ZNF136: variants seen among roughly 807,000 people sequenced by gnomAD.
ZNF136 encodes zinc finger protein 136 (clone pHZ-20).
Under a neutral mutation model 11.4 loss-of-function variants are expected in ZNF136, and 8 were observed. The ratio of observed to expected loss-of-function variants is 0.70; its 90% CI spans 0.41 to 1.27. The LOEUF (loss-of-function observed/expected upper bound fraction) is 1.27, where lower values mean the gene tolerates loss of function less well. Ranked by LOEUF, ZNF136 falls within the 50% of genes most tolerant of loss-of-function variation. The pLI, the probability that ZNF136 is intolerant of heterozygous loss-of-function variation, is 0.01. For synonymous variants in ZNF136, 190 were observed against 207.1 expected (o/e 0.92, Z 0.71); for missense variants, 590 against 656.5 (o/e 0.90, Z 1.11).
intron 1 of ZNF136, among the ~76,000 whole-genome samples, chr19:12,181,821 G>A (rs1914950280): frequency 6.6e-6 from 1 of 152,134 alleles, no homozygotes; most frequent in Non-Finnish European, 1.5e-5. Flanking sequence ...ATTTTTAGTA[G>A]AGACAGGGTT....
chr19:12,178,541 A>C lies in ZNF136; in HGVS notation c.4-7244A>C, dbSNP rs1010040439. ...AGCAACATTTTTGGACATGTTTCTTAGAAATAGTTTACTAACTGGTTTCGA... is the reference window on the plus strand; with the variant it reads ...AGCAACATTTTTGGACATGTTTCTTCGAAATAGTTTACTAACTGGTTTCGA... On this transcript the variant is annotated intron_variant, in intron 1 of 3. Coordinates refer to ENST00000343979, the MANE Select transcript of ZNF136 (RefSeq NM_003437.5). 2.0e-5 allele frequency among the ~76,000 whole-genome samples: 3 copies of C among 152,238 alleles called. No individual in the cohort carries two copies. In the East Asian group the frequency reaches 5.8e-4, roughly 29 times the overall value.
At position 12,168,057 on chromosome 19, in the gene ZNF136, CTTTTTTTTT is replaced by C. The variant is rs386388563; in HGVS notation, c.3+4873_3+4881del. On this transcript the variant is annotated intron_variant, in intron 1 of 3. Coordinates refer to ENST00000343979, the MANE Select transcript of ZNF136 (RefSeq NM_003437.5). ...GCCCATTTTTTTTTCTTTTCTTTTT[CTTTTTTTTT>C]TTTTTTTTTTTTTTTTTTTTTGTGA... Among the ~76,000 whole-genome samples, 42 of 71,144 alleles carry C rather than the reference CTTTTTTTTT, an allele frequency of 5.9e-4. No individual in the cohort carries two copies. In the East Asian group the frequency reaches 0.014, roughly 24 times the overall value. The allele number at this position is 71,144 out of a possible 152,430, so 46.7% of individuals were successfully genotyped here.
At chr19:12,186,476 C>A in intron 3 of ZNF136, 94 bp from the exon 4 acceptor site, 1 of 1,113,572 alleles carries the variant, frequency 9.0e-7, no homozygotes, top group Non-Finnish European at 1.3e-6. Flanking sequence ...ATCGAGTCTA[C>A]GCTTTACCTG....
chr19:12,164,995 A>G (rs553998800), intron 1 of ZNF136: 1 of 152,282 alleles, frequency 6.6e-6, no homozygotes, highest in South Asian at 2.1e-4. Flanking sequence ...ATTCCTGACA[A>G]ACAACTTTGT....
chr19:12,183,416 G>A (rs371721623), intron 1 of ZNF136, among the ~76,000 whole-genome samples: 1 of 152,276 alleles, frequency 6.6e-6, no homozygotes, highest in Non-Finnish European at 1.5e-5. Context: ...GATTTTAGGC[G>A]TGAGCCACCA....
intron 3 of ZNF136, 148 bp from the exon 4 acceptor site, chr19:12,186,422 G>A (rs996363597): frequency 1.2e-6 from 1 of 800,920 alleles, no homozygotes; most frequent in Non-Finnish European, 1.9e-6. Flanking sequence ...CAAGCCCATT[G>A]CAGAGCATTG....
At chr19:12,164,443 T>C (rs1012363197) in intron 1 of ZNF136, among the ~76,000 whole-genome samples, 4 of 99,766 alleles carry the variant, frequency 4.0e-5, no homozygotes, top group Non-Finnish European at 7.9e-5. Flanking sequence ...AGATAACTTT[T>C]TTTTTTTTTT....
In ZNF136 at chr19:12,163,292, C is replaced by T. The variant is rs985068565; in HGVS notation, c.3+86C>T. On this transcript the variant is annotated intron_variant, in intron 1 of 3. Transcript: ENST00000343979. ...CTGGCTGTGGCGCGGCCCGGGCCTT[C>T]CCGTGGGCGACTCTGGGTCTGCGTA... 229 of 1,319,858 alleles carry T rather than the reference C, an allele frequency of 1.7e-4. 2 individuals are homozygous for T. Among genetic ancestry groups the T allele is most frequent in the Admixed American group, 6.1e-5 (2 of 32,846 alleles). 81.8% of individuals were successfully genotyped at this position (1,319,858 alleles called of 1,614,324 possible). A position where few individuals can be genotyped will look rare whatever the true frequency, so the allele number is the denominator to read the frequency against.
chr19:12,186,486 G>A, intron 3 of ZNF136, 84 bp from the exon 4 acceptor site: 2 of 1,175,708 alleles, frequency 1.7e-6, no homozygotes, highest in Non-Finnish European at 2.4e-6. Context: ...CGCTTTACCT[G>A]ATAATATTGA....
intron 2 of ZNF136, 96 bp from the exon 3 acceptor site, chr19:12,186,017 TA>T (rs940096644): frequency 4.4e-6 from 7 of 1,594,904 alleles, no homozygotes. Context: ...CTTGGGGGGC[TA>T]AAACAGGCAT....
Position 12,187,033 on chromosome 19 carries a change from AC to A in ZNF136, c.656del (p.Thr219MetfsTer25). 1 of 1,614,186 alleles carries A rather than the reference AC, an allele frequency of 6.2e-7. No homozygotes were observed. The highest frequency in any genetic ancestry group is 8.5e-7 in the Non-Finnish European group (1 of 1,180,022). On this transcript the variant is annotated frameshift_variant, in exon 4 of 4. Coordinates refer to ENST00000343979, the MANE Select transcript of ZNF136 (RefSeq NM_003437.5). LOFTEE classifies it low-confidence loss of function (END_TRUNC). ...SRFRTHERSH[T>X]GEKPYECQEC... The stretch of plus-strand genomic sequence containing the variant: ...ATTTCGAACACATGAAAGAAGTCAC[AC>A]TGGAGAGAAACCCTATGAATGTCAG...
chr19:12,167,953 C>T (rs191895179), intron 1 of ZNF136, among the ~76,000 whole-genome samples: 143 of 151,708 alleles, frequency 9.4e-4, no homozygotes, highest in Admixed American at 2.7e-3. Context: ...GTTTTGCAGA[C>T]GCAGACTCAT....
In ZNF136 at chr19:12,163,178, A is replaced by C. The variant is rs1977134270; in HGVS notation, c.-26A>C. 7.2e-7 allele frequency: 1 copy of C among 1,394,940 alleles called. No homozygotes were observed. The highest frequency in any genetic ancestry group is 9.4e-7 in the Non-Finnish European group (1 of 1,067,464). 86.4% of individuals were successfully genotyped at this position (1,394,940 alleles called of 1,614,324 possible). Reference sequence around the variant, plus strand: ...ACCTGCCTTGGGATCCGGAGGGAGGAAGCTGGGACACCCGGGAGTCAGGAA... The same window carrying C: ...ACCTGCCTTGGGATCCGGAGGGAGGCAGCTGGGACACCCGGGAGTCAGGAA... On this transcript the variant is annotated 5_prime_UTR_variant, in exon 1 of 4. Transcript: ENST00000343979.
chr19:12,169,336 T>C (rs1914577177), intron 1 of ZNF136: 1 of 152,306 alleles, frequency 6.6e-6, no homozygotes. Flanking sequence ...TGGTTGCTGG[T>C]GAGAATTAAG....
In ZNF136 at chr19:12,188,165, T is replaced by C; in HGVS notation, c.*164T>C. 1 of 504,360 alleles carries C rather than the reference T, an allele frequency of 2.0e-6. No individual in the cohort carries two copies. 31.2% of individuals were successfully genotyped at this position (504,360 alleles called of 1,614,324 possible). ...GTAAGTAACATGGGAAAGCTTTCAA[T>C]CATTTTAGTTCCTTTCAAATACATG... On this transcript the variant is annotated 3_prime_UTR_variant, in exon 4 of 4. Coordinates refer to ENST00000343979, the MANE Select transcript of ZNF136 (RefSeq NM_003437.5).
intron 1 of ZNF136, among the ~76,000 whole-genome samples, chr19:12,178,090 G>T (rs1914845266): frequency 6.6e-6 from 1 of 152,214 alleles, no homozygotes; most frequent in Admixed American, 6.5e-5. Flanking sequence ...GTGGGTGTCA[G>T]AGTGAGACTC....
At chr19:12,172,489 C>T (rs1339750656) in intron 1 of ZNF136, among the ~76,000 whole-genome samples, 1 of 152,148 alleles carries the variant, frequency 6.6e-6, no homozygotes, top group Non-Finnish European at 1.5e-5. Context: ...CAAGCAGGCA[C>T]CTTGTAGATC....
Position 12,187,040 on chromosome 19 carries a change from A to T in ZNF136, c.662A>T (p.Glu221Val). 6.2e-7 allele frequency: 1 copy of T among 1,614,150 alleles called. No homozygotes were observed. Among genetic ancestry groups the T allele is most frequent in the Non-Finnish European group, 8.5e-7 (1 of 1,180,004 alleles). The stretch of plus-strand genomic sequence containing the variant: ...ACACATGAAAGAAGTCACACTGGAG[A>T]GAAACCCTATGAATGTCAGGAATGT... ...FRTHERSHTG[E>V]KPYECQECGK... is the part of the protein sequence containing the mutation. Residue 221 changes from glutamate to valine, a missense_variant, in exon 4 of 4, where the codon GAG (glutamate) becomes GTG (valine). Coordinates refer to ENST00000343979, the MANE Select transcript of ZNF136 (RefSeq NM_003437.5).
In ZNF136 at chr19:12,187,768, C is replaced by A. The variant is rs149571290; in HGVS notation, c.1390C>A (p.Arg464=). 4 of 1,612,616 alleles carry A rather than the reference C, an allele frequency of 2.5e-6. No individual in the cohort carries two copies. Among genetic ancestry groups the A allele is most frequent in the Non-Finnish European group, 3.4e-6 (4 of 1,179,534 alleles). Residue 464 remains arginine (R), a synonymous_variant, in exon 4 of 4, where the codon CGA becomes AGA. Coordinates refer to ENST00000343979, the MANE Select transcript of ZNF136 (RefSeq NM_003437.5). ...GKAFSYLNSF[R]THEMIHTGEK... ...AGCCTTCAGTTATCTCAACTCCTTT[C>A]GAACACATGAAATGATTCACACTGG...
Sources: gnomAD v4.1 joint callset for allele counts (sites outside exome capture counted in the v4.1 genomes callset) on GRCh38, gnomAD v4.1.1 for gene constraint, MANE v1.5 for transcripts, NCBI Gene and HGNC (gene_info 2026-07-23, HGNC 2026-07-21) for gene names.